IPO11: variants seen among roughly 807,000 people sequenced by gnomAD.
IPO11 encodes the protein importin-11.
Under a neutral mutation model 143.2 loss-of-function variants are expected in IPO11, and 66 were observed. The ratio of observed to expected loss-of-function variants is 0.46; its 90% CI spans 0.38 to 0.57. IPO11 has a LOEUF of 0.57. Ranked by LOEUF, IPO11 falls within the 20% of genes least tolerant of loss-of-function variation. The pLI is 0.00. For missense variants in IPO11, 1,026 were observed against 1,141.0 expected, an observed-to-expected ratio of 0.90 and a Z score of 1.45; for synonymous variants, 385 against 377.8, an observed-to-expected ratio of 1.02 and a Z score of -0.22.
chr5:62,428,942 C>T (rs750918423), intron 1 of IPO11, among the ~76,000 whole-genome samples: 3 of 152,164 alleles, frequency 2.0e-5, no homozygotes, highest in Admixed American at 6.5e-5. Context: ...GCCGAGATTA[C>T]GCTTGCGCCA....
chr5:62,431,934 C>CACATACATACATACATACGTACAT (rs112881832), intron 1 of IPO11, among the ~76,000 whole-genome samples: 15 of 148,686 alleles, frequency 1.0e-4, no homozygotes, highest in African/African-American at 3.5e-4. Context: ...GAGCAAGACT[C>CACATACATACATACATACGTACAT]ACATACATAC....
rs770605911 is a variant in IPO11, at chr5:62,598,565, T to TCTTTCTTTCTTTCTTTCG, written c.2679-3199_2679-3198insCTTTCTTTCTTTCTTTCG. Among the ~76,000 whole-genome samples the TCTTTCTTTCTTTCTTTCG allele has an allele frequency of 4.9e-5, 2 of 40,950 alleles. 1 individual carries two copies. Among genetic ancestry groups the TCTTTCTTTCTTTCTTTCG allele is most frequent in the African/African-American group, 2.4e-4 (2 of 8,446 alleles). The allele number at this position is 40,950 out of a possible 152,430, so 26.9% of individuals were successfully genotyped here. A position where few individuals can be genotyped will look rare whatever the true frequency, so the allele number is the denominator to read the frequency against. The stretch of plus-strand genomic sequence containing the variant: ...CTTTCTTTTCTTTCTTTTTTTTTTT[T>TCTTTCTTTCTTTCTTTCG]ATGGAGTCTTGCCCTGTTGCCCAGC... On this transcript the variant is annotated intron_variant, in intron 28 of 29. Transcript: ENST00000325324.
At chr5:62,537,063 C>A in intron 23 of IPO11, 146 bp from the exon 24 acceptor site, 1 of 559,156 alleles carries the variant, frequency 1.8e-6, no homozygotes, top group East Asian at 3.1e-5. Flanking sequence ...TTTAACTTTT[C>A]CTAAGCGTTC....
At chr5:62,425,748 A>G (rs1743714866) in intron 1 of IPO11, among the ~76,000 whole-genome samples, 1 of 152,258 alleles carries the variant, frequency 6.6e-6, no homozygotes, top group East Asian at 1.9e-4. Flanking sequence ...ACGATTGCTA[A>G]CAAATACAAA....
chr5:62,434,299 C>G (rs966368090), intron 1 of IPO11, among the ~76,000 whole-genome samples: 4 of 151,118 alleles, frequency 2.6e-5, no homozygotes, highest in African/African-American at 9.7e-5. Flanking sequence ...TGCAGTCAGT[C>G]TTTTTTTTTG....
intron 20 of IPO11, among the ~76,000 whole-genome samples, chr5:62,522,115 T>C (rs558757352): frequency 6.6e-6 from 1 of 152,248 alleles, no homozygotes; most frequent in South Asian, 2.1e-4. Flanking sequence ...TTACGTTCTA[T>C]TATGAAAAAT....
chr5:62,521,183 C>A (rs995705268), intron 20 of IPO11, among the ~76,000 whole-genome samples: 1 of 152,170 alleles, frequency 6.6e-6, no homozygotes, highest in Non-Finnish European at 1.5e-5. Context: ...CTGTTTTCTG[C>A]GCATCATGTC....
At chr5:62,616,904 C>T (rs959763214) in intron 29 of IPO11, among the ~76,000 whole-genome samples, 1 of 152,104 alleles carries the variant, frequency 6.6e-6, no homozygotes, top group Non-Finnish European at 1.5e-5. Context: ...TATTGATACA[C>T]CATTTGATGA....
rs1225656042 is a variant in IPO11, at chr5:62,599,110, A to G, written c.2679-2654A>G. On this transcript the variant is annotated intron_variant, in intron 28 of 29. Transcript: ENST00000325324. ...ACATGCAGATTCTCAGGCTCCATCA[A>G]ACTCTACTGAATTAGACACTATGGG... Among the ~76,000 whole-genome samples, 6 of 152,288 alleles carry G rather than the reference A, an allele frequency of 3.9e-5. No individual in the cohort carries two copies. In the South Asian group the frequency reaches 1.0e-3, roughly 26 times the overall value.
intron 27 of IPO11, chr5:62,580,130 GA>G (rs1342881226): frequency 6.5e-7 from 1 of 1,549,848 alleles, no homozygotes. Context: ...AAAAGTCTTA[GA>G]AGACTTTCTT....
chr5:62,524,599 A>G lies in IPO11; in HGVS notation c.1897-1543A>G, dbSNP rs560490668. ...CTCTGTTAAATAATGGCATTTTCAT[A>G]ATTCTCTTCCTTTGGAAAACTCCTT... On this transcript the variant is annotated intron_variant, in intron 20 of 29. Coordinates refer to ENST00000325324, the MANE Select transcript of IPO11 (RefSeq NM_016338.5). 1.9e-4 allele frequency among the ~76,000 whole-genome samples: 29 copies of G among 152,268 alleles called. 1 individual carries two copies. Among genetic ancestry groups the G allele is most frequent in the Middle Eastern group, 3.4e-3 (1 of 294 alleles).
At chr5:62,615,751 A>C (rs1439930554) in intron 29 of IPO11, among the ~76,000 whole-genome samples, 2 of 152,238 alleles carry the variant, frequency 1.3e-5, no homozygotes, top group Non-Finnish European at 2.9e-5. Context: ...ACAGCATAGT[A>C]CAAAAAGTGG....
At chr5:62,512,608 TTTTA>T in intron 19 of IPO11, 2 of 540,902 alleles carry the variant, frequency 3.7e-6, no homozygotes, top group East Asian at 6.1e-5. Context: ...TTCTTTTTAA[TTTTA>T]TTTTTTTTTT....
chr5:62,478,025 G>C (rs1472503189), intron 9 of IPO11, among the ~76,000 whole-genome samples: 1 of 151,980 alleles, frequency 6.6e-6, no homozygotes, highest in Non-Finnish European at 1.5e-5. Context: ...TCAACATATG[G>C]CCACAGTCAG....
At chr5:62,626,093 G>A (rs561583259) in intron 29 of IPO11, among the ~76,000 whole-genome samples, 12 of 151,782 alleles carry the variant, frequency 7.9e-5, no homozygotes, top group Non-Finnish European at 1.5e-4. Flanking sequence ...GCAATGGCAC[G>A]ATCTCAGCTC....
intron 1 of IPO11, among the ~76,000 whole-genome samples, chr5:62,424,138 C>CT (rs11428881): frequency 0.31 from 44,941 of 143,924 alleles, 7,068 homozygotes; most frequent in East Asian, 0.46. Flanking sequence ...CCCACCTCAG[C>CT]TTTTTTTTTT....
intron 1 of IPO11, among the ~76,000 whole-genome samples, chr5:62,416,208 G>A (rs1288661204): frequency 7.3e-6 from 1 of 137,356 alleles, no homozygotes; most frequent in Non-Finnish European, 1.5e-5. Context: ...TTGAGACGGA[G>A]CCTCGCTCTT....
chr5:62,479,874 C>T (rs1746121443), intron 9 of IPO11, among the ~76,000 whole-genome samples: 2 of 152,142 alleles, frequency 1.3e-5, no homozygotes. Flanking sequence ...AAAATTTTCT[C>T]CCATTCTGTA....
chr5:62,575,095 CA>C (rs1259016901), intron 27 of IPO11, among the ~76,000 whole-genome samples: 1 of 152,196 alleles, frequency 6.6e-6, no homozygotes, highest in East Asian at 1.9e-4. Flanking sequence ...TATTTTAAAG[CA>C]TACATTAAAA....
Sources: gnomAD v4.1 joint callset for allele counts (sites outside exome capture counted in the v4.1 genomes callset) on GRCh38, gnomAD v4.1.1 for gene constraint, MANE v1.5 for transcripts, NCBI Gene and HGNC (gene_info 2026-07-23, HGNC 2026-07-21) for gene names.